Variants in FBN2 observed in about 807,000 individuals in gnomAD.
FBN2 encodes fibrillin 2.
FBN2 carries 105 observed loss-of-function variants against 355.6 expected under a neutral mutation model. The ratio of observed to expected loss-of-function variants is 0.30; its 90% CI spans 0.25 to 0.35. FBN2 has a LOEUF of 0.35. FBN2 is among the 10% of genes least tolerant of loss of function. FBN2 has a pLI of 1.00. For synonymous variants in FBN2, 1,350 were observed against 1,301.2 expected (o/e 1.04, Z -0.81); for missense variants, 3,280 against 3,758.7 (o/e 0.87, Z 3.33).
At chr5:128,459,072 G>T (rs1754485913) in intron 6 of FBN2, among the ~76,000 whole-genome samples, 1 of 151,920 alleles carries the variant, frequency 6.6e-6, no homozygotes, top group African/African-American at 2.4e-5. Context: ...TAATAAAGAA[G>T]AATGAAGAGA....
chr5:128,474,418 C>T (rs906799930), intron 5 of FBN2, among the ~76,000 whole-genome samples: 14 of 152,172 alleles, frequency 9.2e-5, no homozygotes, highest in Non-Finnish European at 1.6e-4. Context: ...GTTAAGTAGG[C>T]CTGAATATAT....
At chr5:128,450,102 A>G (rs1754197578) in intron 6 of FBN2, among the ~76,000 whole-genome samples, 1 of 152,220 alleles carries the variant, frequency 6.6e-6, no homozygotes, top group Middle Eastern at 3.4e-3. Flanking sequence ...AAATTTCCAC[A>G]TTCTTCTCTT....
At chr5:128,445,178 T>C (rs184409738) in intron 7 of FBN2, among the ~76,000 whole-genome samples, 4 of 152,212 alleles carry the variant, frequency 2.6e-5, no homozygotes, top group African/African-American at 7.2e-5. Flanking sequence ...ATAAGACACT[T>C]GGGCATTCTT....
intron 7 of FBN2, chr5:128,446,105 C>A (rs749234485): frequency 1.5e-5 from 3 of 197,734 alleles, no homozygotes; most frequent in Non-Finnish European, 3.2e-5. Flanking sequence ...CAACTACTAA[C>A]ACATCATTTA....
intron 48 of FBN2, among the ~76,000 whole-genome samples, chr5:128,300,196 A>G (rs1284018354): frequency 1.3e-5 from 2 of 152,212 alleles, no homozygotes; most frequent in Non-Finnish European, 2.9e-5. Flanking sequence ...GTGCTTCTGA[A>G]TTTCAACAAG....
chr5:128,513,846 ATT>A (rs1212805523), intron 5 of FBN2, among the ~76,000 whole-genome samples: 2 of 150,892 alleles, frequency 1.3e-5, no homozygotes, highest in African/African-American at 4.9e-5. Context: ...TCCTTCTCTA[ATT>A]TTCTTTCCCT....
chr5:128,287,089 G>C (rs187951262), intron 54 of FBN2, among the ~76,000 whole-genome samples: 9 of 152,288 alleles, frequency 5.9e-5, no homozygotes, highest in Admixed American at 3.9e-4. Flanking sequence ...AAGAGTGTGA[G>C]AATAGTGGGC....
At chr5:128,347,162 C>A (rs752995958) in intron 23 of FBN2, among the ~76,000 whole-genome samples, 16 of 152,098 alleles carry the variant, frequency 1.1e-4, no homozygotes, top group Non-Finnish European at 2.2e-4. Context: ...ACTGAAGAAA[C>A]CTGCTCAAGA....
chr5:128,333,609 G>A (rs1343176789), intron 31 of FBN2, among the ~76,000 whole-genome samples: 1 of 151,672 alleles, frequency 6.6e-6, no homozygotes, highest in Non-Finnish European at 1.5e-5. Flanking sequence ...ACTTATTTGA[G>A]ATTATAGAAA....
intron 48 of FBN2, among the ~76,000 whole-genome samples, chr5:128,293,320 C>A (rs1049182179): frequency 1.1e-4 from 16 of 151,956 alleles, no homozygotes; most frequent in African/African-American, 3.6e-4. Context: ...GGTGAAACAC[C>A]GTCTCTACTA....
At chr5:128,285,243 A>ATT (rs35363766) in intron 55 of FBN2, among the ~76,000 whole-genome samples, 2 of 151,642 alleles carry the variant, frequency 1.3e-5, no homozygotes, top group Non-Finnish European at 2.9e-5. Context: ...ATTTTTATTG[A>ATT]TTTTTTTTGT....
At chr5:128,370,937 T>C (rs1331954701) in intron 15 of FBN2, among the ~76,000 whole-genome samples, 1 of 152,166 alleles carries the variant, frequency 6.6e-6, no homozygotes, top group Non-Finnish European at 1.5e-5. Flanking sequence ...CACAAGATGA[T>C]CTTACATAAA....
intron 48 of FBN2, among the ~76,000 whole-genome samples, chr5:128,293,952 G>C (rs1349181302): frequency 6.6e-6 from 1 of 151,840 alleles, no homozygotes; most frequent in Non-Finnish European, 1.5e-5. Context: ...TCGTCATCTA[G>C]CATTAGGTAT....
chr5:128,263,684 C>T, intron 62 of FBN2, 28 bp from the exon 63 acceptor site: 1 of 1,570,518 alleles, frequency 6.4e-7, no homozygotes, highest in Non-Finnish European at 8.7e-7. Flanking sequence ...GAAACTCTTA[C>T]ACGGGGAAGC....
rs548770779 is a variant in FBN2, at chr5:128,334,716, T to C, written c.4099+3A>G. On this transcript the variant is annotated splice_donor_region_variant and intron_variant, in intron 31 of 64. Transcript: ENST00000262464. ...ATACAGAGAACACAAGCTTGAAACC[T>C]ACCTGTACATCCTGTGGTCCCCTTC... The C allele has an allele frequency of 2.7e-5, 44 of 1,614,138 alleles. No individual in the cohort carries two copies. The South Asian group carries it at 4.6e-4, about 17-fold the overall frequency.
chr5:128,277,094 A>G lies in FBN2; in HGVS notation c.7471+786T>C, dbSNP rs370592611. On this transcript the variant is annotated intron_variant, in intron 58 of 64. Transcript: ENST00000262464. ...TACTCATGCTCTTCTGTTTCAAAGA[A>G]GTCAGTTGGGTTTTCTTAACCTTTT... 6.2e-4 allele frequency among the ~76,000 whole-genome samples: 94 copies of G among 152,316 alleles called. 1 individual carries two copies. In the South Asian group the frequency reaches 0.019, roughly 31 times the overall value.
In FBN2 at chr5:128,302,883, AT is replaced by A. The variant is rs113036345; in HGVS notation, c.5917+89del. 3,634 of 798,140 alleles carry A rather than the reference AT, an allele frequency of 4.6e-3. 63 individuals are homozygous for A. The highest frequency in any genetic ancestry group is 0.04 in the African/African-American group (2,325 of 58,018). The allele number at this position is 798,140 out of a possible 1,614,324, so 49.4% of individuals were successfully genotyped here. The stretch of plus-strand genomic sequence containing the variant: ...ACATATTTGCAATTTTAGTAATATA[AT>A]TTTTTTTTGTTCTTTAGTTTTGTTT... On this transcript the variant is annotated intron_variant, in intron 46 of 64. Transcript: ENST00000262464.
In FBN2 at chr5:128,465,511, T is replaced by A. The variant is rs144099644; in HGVS notation, c.629-590A>T. On this transcript the variant is annotated intron_variant, in intron 5 of 64. Coordinates refer to ENST00000262464, the MANE Select transcript of FBN2 (RefSeq NM_001999.4). ...TCAATAAAGATATGCTCCTTCCATA[T>A]CACACATATATTTGGGCAATCTAAA... Among the ~76,000 whole-genome samples, 68 of 152,322 alleles carry A rather than the reference T, an allele frequency of 4.5e-4. 2 individuals carry two copies. In the East Asian group the frequency reaches 0.013, roughly 28 times the overall value.
chr5:128,513,664 T>C (rs1192058909), intron 5 of FBN2, among the ~76,000 whole-genome samples: 1 of 152,242 alleles, frequency 6.6e-6, no homozygotes, highest in Admixed American at 6.5e-5. Flanking sequence ...AGTGAAAGCC[T>C]GGCCTCTCCC....
Sources: gnomAD v4.1 joint callset for allele counts (sites outside exome capture counted in the v4.1 genomes callset) on GRCh38, gnomAD v4.1.1 for gene constraint, MANE v1.5 for transcripts, NCBI Gene and HGNC (gene_info 2026-07-23, HGNC 2026-07-21) for gene names.